The following INTU variants were observed in gnomAD, a reference collection of about 807,000 sequenced individuals.
INTU encodes the protein inturned planar cell polarity protein.
Under a neutral mutation model 100.5 loss-of-function variants are expected in INTU, and 68 were observed. The ratio of observed to expected loss-of-function variants is 0.68; its 90% confidence interval spans 0.56 to 0.83. The LOEUF (loss-of-function observed/expected upper bound fraction) is 0.83. Ranked by LOEUF, INTU falls within the 40% of genes least tolerant of loss-of-function variation. INTU has a pLI of 0.00. For missense variants in INTU, 1,071 were observed against 1,114.7 expected (o/e 0.96, Z 0.56); for synonymous variants, 357 against 395.7 (o/e 0.90, Z 1.16).
At chr4:127,683,678 C>G (rs1049008619) in intron 6 of INTU, 1 of 152,138 alleles carries the variant, frequency 6.6e-6, no homozygotes, top group Admixed American at 6.6e-5. Context: ...GATCACATTC[C>G]CGTGATGGCT....
At chr4:127,716,027 T>C (rs1731251334) in intron 15 of INTU, among the ~76,000 whole-genome samples, 1 of 152,170 alleles carries the variant, frequency 6.6e-6, no homozygotes, top group Non-Finnish European at 1.5e-5. Context: ...ATAATGCTAG[T>C]GCTATTGCCT....
Position 127,719,864 on chromosome 4 carries a change from T to C in INTU, c.*3428T>C, listed in dbSNP as rs537044396. ...ATTTTTTATTGTGTCTATTTGGTTC[T>C]TCTCTCTTTTCTTCTTTATTAGTCT... On this transcript the variant is annotated 3_prime_UTR_variant, in exon 16 of 16. Coordinates refer to ENST00000335251, the MANE Select transcript of INTU (RefSeq NM_015693.4). The C allele has an allele frequency of 6.6e-6, 1 of 152,312 alleles. No homozygotes were observed. The highest frequency in any genetic ancestry group is 1.9e-4 in the East Asian group (1 of 5,188). 9.4% of individuals were successfully genotyped at this position (152,312 alleles called of 1,614,324 possible). A position where few individuals can be genotyped will look rare whatever the true frequency, so the allele number is the denominator to read the frequency against.
chr4:127,651,695 G>C (rs1425095250), intron 2 of INTU, among the ~76,000 whole-genome samples: 1 of 151,952 alleles, frequency 6.6e-6, no homozygotes, highest in South Asian at 2.1e-4. Flanking sequence ...TTGCCTTGGC[G>C]ATGCGGGCTC....
intron 7 of INTU, among the ~76,000 whole-genome samples, chr4:127,684,971 C>T (rs113084078): frequency 3.3e-5 from 5 of 152,028 alleles, no homozygotes; most frequent in South Asian, 4.2e-4. Context: ...TTTTTCTTTG[C>T]TTATAAGACC....
rs778878575 is a variant in INTU at position 127,663,569 on chromosome 4, A to G, written c.957A>G (p.Glu319=). The G allele has an allele frequency of 2.0e-5, 32 of 1,613,128 alleles. No individual in the cohort carries two copies. In the African/African-American group the frequency reaches 3.9e-4, roughly 19 times the overall value. ...ATCTCACACTACAGCTCGACTCAGA[A>G]ACCTCAAAGGAAGAGGTGAGTGTCC... ...IMYLTLQLDS[E]TSKEEQEILY... is the part of the protein sequence containing the mutation. The change falls in exon 4 of 16, where the codon GAA becomes GAG. Residue 319 remains glutamate (E), a synonymous_variant. Coordinates refer to ENST00000335251, the MANE Select transcript of INTU (RefSeq NM_015693.4).
At chr4:127,640,545 A>G (rs1727269588) in intron 1 of INTU, among the ~76,000 whole-genome samples, 1 of 4,046 alleles carries the variant, frequency 2.5e-4, no homozygotes, top group African/African-American at 4.4e-4. Flanking sequence ...AAAGATACAT[A>G]TATATATATA....
At chr4:127,700,529 G>C (rs761519822) in intron 9 of INTU, among the ~76,000 whole-genome samples, 1 of 152,068 alleles carries the variant, frequency 6.6e-6, no homozygotes, top group Non-Finnish European at 1.5e-5. Context: ...TCACCAAAAG[G>C]AACCAGGACT....
chr4:127,686,191 C>T (rs965596338), intron 7 of INTU: 2 of 152,130 alleles, frequency 1.3e-5, no homozygotes, highest in Non-Finnish European at 2.9e-5. Flanking sequence ...AGAAAACTGA[C>T]TATATACTAA....
At position 127,699,495 on chromosome 4, in the gene INTU, G is replaced by A. The variant is rs914673136; in HGVS notation, c.1450-515G>A. ...GATTGACAACCCTTGAATGCAAAAC[G>A]TTGTGTCCAGGAGAAAGACAGGGAA... On this transcript the variant is annotated intron_variant, in intron 8 of 15. Coordinates refer to ENST00000335251, the MANE Select transcript of INTU (RefSeq NM_015693.4). 31 of 152,136 alleles carry A rather than the reference G, an allele frequency of 2.0e-4. 1 individual carries two copies. Among genetic ancestry groups the A allele is most frequent in the Admixed American group, 1.8e-3 (27 of 15,266 alleles). The allele number at this position is 152,136 out of a possible 1,614,324, so 9.4% of individuals were successfully genotyped here. A position where few individuals can be genotyped will look rare whatever the true frequency, so the allele number is the denominator to read the frequency against.
At chr4:127,694,131 T>A (rs1466629949) in intron 8 of INTU, among the ~76,000 whole-genome samples, 2 of 152,126 alleles carry the variant, frequency 1.3e-5, no homozygotes, top group Admixed American at 1.3e-4. Flanking sequence ...TTCAGAATAG[T>A]GTCAATAGGT....
At chr4:127,683,838 T>C (rs1402745820) in intron 6 of INTU, 1 of 152,192 alleles carries the variant, frequency 6.6e-6, no homozygotes, top group East Asian at 1.9e-4. Context: ...TGTTTACTTA[T>C]TTGTATAATG....
At position 127,634,260 on chromosome 4, in the gene INTU, A is replaced by T. The variant is rs532969701; in HGVS notation, c.146+1080A>T. Among the ~76,000 whole-genome samples the T allele has an allele frequency of 5.9e-5, 9 of 152,342 alleles. No homozygotes were observed. The South Asian group carries it at 1.9e-3, about 32-fold the overall frequency. On this transcript the variant is annotated intron_variant, in intron 1 of 15. Coordinates refer to ENST00000335251, the MANE Select transcript of INTU (RefSeq NM_015693.4). ...TAAAAAAATAATTTTAAAATTCATG[A>T]TTATTACACAAGGCTGCTGGAAGGA... is the stretch of plus-strand genomic sequence containing the variant.
chr4:127,703,969 CAT>C (rs1405183480), intron 9 of INTU, among the ~76,000 whole-genome samples: 2 of 152,214 alleles, frequency 1.3e-5, no homozygotes, highest in East Asian at 3.9e-4. Context: ...AGAAATCCCT[CAT>C]AGAGTGACAG....
rs773787849 is a variant in INTU at position 127,643,986 on chromosome 4, T to C, written c.612T>C (p.Asp204=). The part of the protein sequence containing the change: ...WSWRRTGKQG[D]GERLVVHGLL... ...GGAGAAGAACCGGAAAGCAGGGTGA[T>C]GGAGAGAGGCTTGTGGTTCATGGCC... The change falls in exon 2 of 16, where the codon GAT becomes GAC. Residue 204 remains aspartate (D), a synonymous_variant. Transcript: ENST00000335251. 10 of 1,614,114 alleles carry C rather than the reference T, an allele frequency of 6.2e-6. No individual in the cohort carries two copies. The highest frequency in any genetic ancestry group is 8.5e-6 in the Non-Finnish European group (10 of 1,179,990).
At position 127,716,308 on chromosome 4, in the gene INTU, GTTCTT is replaced by G. The variant is rs1731259960; in HGVS notation, c.2718-11_2718-7del. ...TTGTTTTAATTTCTGAAATGAGTGT[GTTCTT>G]TTCTTCTGCAGGAGACTTTTTCTTC... is the stretch of plus-strand genomic sequence containing the variant. On this transcript the variant is annotated splice_polypyrimidine_tract_variant and intron_variant, in intron 15 of 15. Transcript: ENST00000335251. The G allele has an allele frequency of 8.0e-7, 1 of 1,246,698 alleles. No individual in the cohort carries two copies. Among genetic ancestry groups the G allele is most frequent in the African/African-American group, 1.5e-5 (1 of 66,258 alleles). The allele number at this position is 1,246,698 out of a possible 1,614,324, so 77.2% of individuals were successfully genotyped here. A position where few individuals can be genotyped will look rare whatever the true frequency, so the allele number is the denominator to read the frequency against.
At chr4:127,714,408 T>C (rs1731195663) in intron 15 of INTU, among the ~76,000 whole-genome samples, 1 of 151,972 alleles carries the variant, frequency 6.6e-6, no homozygotes, top group South Asian at 2.1e-4. Flanking sequence ...TCCTCTCCCT[T>C]TTCTTCCCTT....
intron 4 of INTU, among the ~76,000 whole-genome samples, chr4:127,668,136 C>T (rs926746858): frequency 4.6e-5 from 7 of 151,912 alleles, no homozygotes; most frequent in Non-Finnish European, 8.8e-5. Flanking sequence ...TTCATTTTGC[C>T]TGCTTTTAAT....
chr4:127,636,300 A>T (rs1343983620), intron 1 of INTU, among the ~76,000 whole-genome samples: 3 of 151,842 alleles, frequency 2.0e-5, no homozygotes, highest in Non-Finnish European at 4.4e-5. Context: ...TGGTACAGTG[A>T]AGCCCTATCA....
chr4:127,665,841 C>A (rs1340337238), intron 4 of INTU, among the ~76,000 whole-genome samples: 1 of 152,298 alleles, frequency 6.6e-6, no homozygotes, highest in African/African-American at 2.4e-5. Flanking sequence ...GAATTAGTCA[C>A]ATGGTCTATC....
Sources: gnomAD v4.1 joint callset for allele counts (sites outside exome capture counted in the v4.1 genomes callset) on GRCh38, gnomAD v4.1.1 for gene constraint, MANE v1.5 for transcripts, NCBI Gene and HGNC (gene_info 2026-07-23, HGNC 2026-07-21) for gene names.